Variants in XRCC5 observed in about 807,000 individuals in gnomAD.
XRCC5 encodes X-ray repair cross complementing 5, also known as DNA repair protein Ku80.
In XRCC5, 12 loss-of-function variants were observed where a neutral mutation model predicts 95.7. That is an observed-to-expected ratio of 0.13 (90% CI 0.08 to 0.20). The LOEUF is 0.20. Among genes scored for constraint, XRCC5 ranks in the 10% least tolerant of loss-of-function variants. XRCC5 has a pLI of 1.00. For synonymous variants in XRCC5, 281 were observed against 290.3 expected (o/e 0.97, Z 0.33); for missense variants, 595 against 873.9 (o/e 0.68, Z 4.02).
At chr2:216,117,530 A>G (rs951404539) in intron 3 of XRCC5, 8 of 502,732 alleles carry the variant, frequency 1.6e-5, no homozygotes, top group Non-Finnish European at 2.5e-5. Flanking sequence ...CCTTTTGTTT[A>G]TATTTCTTGG....
intron 16 of XRCC5, among the ~76,000 whole-genome samples, chr2:216,169,746 G>T (rs1298206899): frequency 6.6e-6 from 1 of 151,604 alleles, no homozygotes; most frequent in Non-Finnish European, 1.5e-5. Context: ...AAAAGGAGGG[G>T]TATAATGAAA....
At position 216,127,510 on chromosome 2, in the gene XRCC5, T is replaced by C. The variant is rs763411902; in HGVS notation, c.799-26T>C. ...CAATTGGAATCCTAACTTTCCTTGTTTTCCCTTTGTGTTTTGGAATGTAAG... is the reference window on the plus strand; with the variant it reads ...CAATTGGAATCCTAACTTTCCTTGTCTTCCCTTTGTGTTTTGGAATGTAAG... On this transcript the variant is annotated intron_variant, in intron 7 of 20. Transcript: ENST00000392132. 4 of 1,570,170 alleles carry C rather than the reference T, an allele frequency of 2.5e-6. No homozygotes were observed. The African/African-American group carries it at 5.5e-5, about 22-fold the overall frequency.
At chr2:216,185,995 G>A (rs1375209614) in intron 16 of XRCC5, among the ~76,000 whole-genome samples, 1 of 152,180 alleles carries the variant, frequency 6.6e-6, no homozygotes. Context: ...ATTTCAATAA[G>A]TAACATTTAC....
chr2:216,169,483 A>G (rs1201786415), intron 16 of XRCC5, among the ~76,000 whole-genome samples: 4 of 152,248 alleles, frequency 2.6e-5, no homozygotes, highest in African/African-American at 7.2e-5. Context: ...ACAAGAGTTC[A>G]GTAAGTCAGC....
intron 12 of XRCC5, 112 bp downstream of exon 12, chr2:216,138,291 G>T: frequency 2.3e-6 from 2 of 877,432 alleles, no homozygotes; most frequent in South Asian, 1.4e-5. Context: ...CAATTAGTTG[G>T]ATTTCCAATC....
rs1337650506 is a variant in XRCC5 at position 216,205,621 on chromosome 2, C to G, written c.*419C>G. ...GAGTTTCTTAACCCTTTCCAGAGTC[C>G]TCCTTTGCCTGATCCTCCAACAGCT... On this transcript the variant is annotated 3_prime_UTR_variant, in exon 21 of 21. Coordinates refer to ENST00000392132, the MANE Select transcript of XRCC5 (RefSeq NM_021141.4). 2 of 158,840 alleles carry G rather than the reference C, an allele frequency of 1.3e-5. No homozygotes were observed. Among genetic ancestry groups the G allele is most frequent in the Non-Finnish European group, 2.8e-5 (2 of 72,626 alleles). 9.8% of individuals were successfully genotyped at this position (158,840 alleles called of 1,614,324 possible). A position where few individuals can be genotyped will look rare whatever the true frequency, so the allele number is the denominator to read the frequency against.
chr2:216,184,073 TGA>T lies in XRCC5; in HGVS notation c.1835-6151_1835-6150del, dbSNP rs1344365223. 3.8e-3 allele frequency among the ~76,000 whole-genome samples: 492 copies of T among 131,120 alleles called. 1 individual carries two copies. Among genetic ancestry groups the T allele is most frequent in the African/African-American group, 0.013 (458 of 34,804 alleles). The allele number at this position is 131,120 out of a possible 152,430, so 86.0% of individuals were successfully genotyped here. On this transcript the variant is annotated intron_variant, in intron 16 of 20. Coordinates refer to ENST00000392132, the MANE Select transcript of XRCC5 (RefSeq NM_021141.4). Reference sequence around the variant, plus strand: ...GTGTGTGTGTGTGTGTGTGTGTGTGTGATTTAGAGAAAAAATATTTAAGATAC... The same window carrying T: ...GTGTGTGTGTGTGTGTGTGTGTGTGTTTTAGAGAAAAAATATTTAAGATAC...
intron 1 of XRCC5, among the ~76,000 whole-genome samples, chr2:216,111,995 C>G (rs41296916): frequency 1.3e-5 from 2 of 152,080 alleles, no homozygotes; most frequent in Non-Finnish European, 2.9e-5. Flanking sequence ...CATATTTAGG[C>G]GATGAAGTAA....
intron 13 of XRCC5, among the ~76,000 whole-genome samples, chr2:216,143,710 T>G (rs1433637310): frequency 1.3e-5 from 2 of 151,918 alleles, no homozygotes; most frequent in Non-Finnish European, 2.9e-5. Flanking sequence ...GCTTTTTTTT[T>G]TTTTATTTTT....
In XRCC5 at chr2:216,117,026, G is replaced by C. The variant is rs942436422; in HGVS notation, c.319+184G>C. ...ATTAATCAGTTTAAAACAGTGCCTGGGCTCCCAGCCCTCCACTCACTTCCC... is the reference window on the plus strand; with the variant it reads ...ATTAATCAGTTTAAAACAGTGCCTGCGCTCCCAGCCCTCCACTCACTTCCC... On this transcript the variant is annotated intron_variant, in intron 3 of 20. Transcript: ENST00000392132. 18 of 651,312 alleles carry C rather than the reference G, an allele frequency of 2.8e-5. No homozygotes were observed. The African/African-American group carries it at 3.3e-4, about 12-fold the overall frequency. 40.3% of individuals were successfully genotyped at this position (651,312 alleles called of 1,614,324 possible).
rs1688962843 is a variant in XRCC5, at chr2:216,162,032, G to C, written c.1818G>C (p.Lys606Asn). The change falls in exon 16 of 21, where the codon AAG (lysine) becomes AAC (asparagine). Residue 606 changes from lysine (K) to asparagine (N), a missense_variant. Physicochemically the swap from Lys to Asn is moderately conservative, Grantham distance 94. Transcript: ENST00000392132. Reference protein sequence around the residue: ...ENFRVLVKQKKASFEEASNQL... With the variant: ...ENFRVLVKQKNASFEEASNQL... ...TCCGTGTTCTAGTGAAACAGAAGAA[G>C]GCCAGCTTTGAGGAAGGTGAGTGGT... The C allele has an allele frequency of 6.2e-7, 1 of 1,614,172 alleles. No homozygotes were observed. The highest frequency in any genetic ancestry group is 1.1e-5 in the South Asian group (1 of 91,080).
In XRCC5 at chr2:216,205,691, A is replaced by G. The variant is rs919404048; in HGVS notation, c.*489A>G. ...AAGCAGTAGCATTTGCTTCCTCCCAACAAGCAGCTGGGTTAGGAAAACCAT... is the reference window on the plus strand; with the variant it reads ...AAGCAGTAGCATTTGCTTCCTCCCAGCAAGCAGCTGGGTTAGGAAAACCAT... On this transcript the variant is annotated 3_prime_UTR_variant, in exon 21 of 21. Coordinates refer to ENST00000392132, the MANE Select transcript of XRCC5 (RefSeq NM_021141.4). 1.3e-5 allele frequency: 2 copies of G among 154,724 alleles called. No homozygotes were observed. The highest frequency in any genetic ancestry group is 2.9e-5 in the Non-Finnish European group (2 of 69,820). The allele number at this position is 154,724 out of a possible 1,614,324, so 9.6% of individuals were successfully genotyped here. A position where few individuals can be genotyped will look rare whatever the true frequency, so the allele number is the denominator to read the frequency against.
intron 14 of XRCC5, among the ~76,000 whole-genome samples, chr2:216,159,612 T>C (rs1302808696): frequency 6.6e-6 from 1 of 152,134 alleles, no homozygotes; most frequent in Non-Finnish European, 1.5e-5. Context: ...CTAACATACA[T>C]GATAGAGAAA....
intron 19 of XRCC5, among the ~76,000 whole-genome samples, chr2:216,198,311 A>G (rs1689768658): frequency 1.5e-5 from 1 of 68,956 alleles, no homozygotes. Flanking sequence ...GGTGGTGGTT[A>G]GAATAACCTG....
At chr2:216,171,645 C>T (rs1437156414) in intron 16 of XRCC5, among the ~76,000 whole-genome samples, 2 of 152,080 alleles carry the variant, frequency 1.3e-5, no homozygotes, top group Non-Finnish European at 1.5e-5. Flanking sequence ...TCATTGGTAG[C>T]CATTTGAAGT....
intron 19 of XRCC5, among the ~76,000 whole-genome samples, chr2:216,202,299 T>C (rs1311483039): frequency 1.3e-5 from 2 of 152,168 alleles, no homozygotes; most frequent in South Asian, 2.1e-4. Context: ...AGTCCTGATA[T>C]CACGAAAATC....
chr2:216,141,370 T>C, intron 13 of XRCC5, 51 bp downstream of exon 13: 1 of 1,608,808 alleles, frequency 6.2e-7, no homozygotes, highest in Non-Finnish European at 8.5e-7. Flanking sequence ...GAAAGAGAGC[T>C]AAGTGCAAAG....
intron 10 of XRCC5, among the ~76,000 whole-genome samples, chr2:216,134,755 C>T (rs1213044031): frequency 6.6e-6 from 1 of 151,266 alleles, no homozygotes; most frequent in African/African-American, 2.4e-5. Context: ...TTTTAAACAT[C>T]CTAATTGGTC....
chr2:216,204,085 C>G (rs1018037386), intron 19 of XRCC5: 5 of 516,778 alleles, frequency 9.7e-6, no homozygotes, highest in African/African-American at 1.9e-5. Context: ...CCTCCCTCTT[C>G]GTGAGCACTT....
Sources: allele counts gnomAD v4.1 joint callset (sites outside exome capture counted in the v4.1 genomes callset), GRCh38; gene constraint gnomAD v4.1.1; transcripts MANE v1.5; gene names NCBI Gene and HGNC (gene_info 2026-07-23, HGNC 2026-07-21).